Variants in IGFBP7 observed in about 807,000 individuals in gnomAD.
IGFBP7 encodes insulin like growth factor binding protein 7, also known as insulin-like growth factor-binding protein 7.
In IGFBP7, 31 loss-of-function variants were observed where a neutral mutation model predicts 29.4. That is an observed-to-expected ratio of 1.05 (90% CI 0.79 to 1.42). The LOEUF (loss-of-function observed/expected upper bound fraction) is 1.42, where lower values mean the gene tolerates loss of function less well. Ranked by LOEUF, IGFBP7 falls within the 40% of genes most tolerant of loss-of-function variation. IGFBP7 has a pLI of 0.00. For missense variants in IGFBP7, 393 were observed against 395.5 expected, an observed-to-expected ratio of 0.99 and a Z score of 0.05; for synonymous variants, 172 against 174.9, an observed-to-expected ratio of 0.98 and a Z score of 0.13.
chr4:57,059,922 T>G (rs1724760840), intron 1 of IGFBP7, among the ~76,000 whole-genome samples: 1 of 152,228 alleles, frequency 6.6e-6, no homozygotes, highest in Admixed American at 6.5e-5. Context: ...GAGAAAGGAC[T>G]ACAATAATAA....
chr4:57,107,878 G>A (rs548171248), intron 1 of IGFBP7, among the ~76,000 whole-genome samples: 1 of 152,322 alleles, frequency 6.6e-6, no homozygotes, highest in East Asian at 1.9e-4. Context: ...CTGTGTGAGT[G>A]TTTGGTGATG....
chr4:57,030,858 C>T lies in IGFBP7; in HGVS notation c.*459G>A. 8.5e-7 allele frequency: 1 copy of T among 1,180,854 alleles called. No homozygotes were observed. Among genetic ancestry groups the T allele is most frequent in the Non-Finnish European group, 1.3e-6 (1 of 785,162 alleles). The allele number at this position is 1,180,854 out of a possible 1,614,324, so 73.1% of individuals were successfully genotyped here. On this transcript the variant is annotated 3_prime_UTR_variant, in exon 5 of 5. Transcript: ENST00000295666. Reference sequence around the variant, plus strand: ...CTGGGGTAGAGAAGTGGGGTCACTTCAATACAATTCTGCTAATTACCATTT... The same window carrying T: ...CTGGGGTAGAGAAGTGGGGTCACTTTAATACAATTCTGCTAATTACCATTT...
chr4:57,073,478 C>T (rs1234303684), intron 1 of IGFBP7, among the ~76,000 whole-genome samples: 1 of 151,806 alleles, frequency 6.6e-6, no homozygotes, highest in African/African-American at 2.4e-5. Flanking sequence ...GCCTGTAGTT[C>T]CAGCTACTCA....
At chr4:57,031,454 G>T (rs762232082) in intron 4 of IGFBP7, 118 bp from the exon 5 acceptor site, 1 of 736,880 alleles carries the variant, frequency 1.4e-6, no homozygotes, top group Non-Finnish European at 2.4e-6. Flanking sequence ...TGGGGATAAA[G>T]GATATATGAG....
chr4:57,073,073 G>A (rs1725097563), intron 1 of IGFBP7: 6 of 1,530,714 alleles, frequency 3.9e-6, no homozygotes, highest in Non-Finnish European at 5.4e-6. Context: ...ACCCCCCACA[G>A]CTTTTAAGAA....
intron 1 of IGFBP7, among the ~76,000 whole-genome samples, chr4:57,073,431 T>TA (rs1450205821): frequency 6.6e-6 from 1 of 151,520 alleles, no homozygotes; most frequent in Non-Finnish European, 1.5e-5. Context: ...CCTGTCTCCA[T>TA]AAAAAATGTA....
At chr4:57,040,553 A>G (rs1318420152) in intron 2 of IGFBP7, among the ~76,000 whole-genome samples, 1 of 152,202 alleles carries the variant, frequency 6.6e-6, no homozygotes. Context: ...CACACACCAC[A>G]GGTGCACACA....
In IGFBP7 at chr4:57,052,898, A is replaced by G. The variant is rs143803940; in HGVS notation, c.476-11965T>C. Among the ~76,000 whole-genome samples the G allele has an allele frequency of 2.8e-3, 423 of 152,310 alleles. 3 individuals are homozygous for G. Among genetic ancestry groups the G allele is most frequent in the African/African-American group, 9.9e-3 (412 of 41,568 alleles). The stretch of plus-strand genomic sequence containing the variant: ...CACTACGATGACTGTCAATCTTGTG[A>G]TATCTCACAATTATCACTGTAATTT... On this transcript the variant is annotated intron_variant, in intron 1 of 4. Coordinates refer to ENST00000295666, the MANE Select transcript of IGFBP7 (RefSeq NM_001553.3).
intron 1 of IGFBP7, among the ~76,000 whole-genome samples, chr4:57,104,356 C>T (rs1308062158): frequency 2.0e-5 from 3 of 152,148 alleles, no homozygotes; most frequent in Non-Finnish European, 4.4e-5. Flanking sequence ...GGCTTTTCCT[C>T]CACAAACCTG....
At chr4:57,063,278 C>A (rs555149348) in intron 1 of IGFBP7, among the ~76,000 whole-genome samples, 1 of 152,316 alleles carries the variant, frequency 6.6e-6, no homozygotes, top group Admixed American at 6.5e-5. Context: ...AGAATGTGGG[C>A]CTGGTTCTTA....
intron 1 of IGFBP7, among the ~76,000 whole-genome samples, chr4:57,080,172 A>G (rs1725331040): frequency 6.6e-6 from 1 of 152,234 alleles, no homozygotes; most frequent in African/African-American, 2.4e-5. Flanking sequence ...ACAAGAATGA[A>G]TGAACCAATG....
At chr4:57,090,682 C>A (rs761827495) in intron 1 of IGFBP7, among the ~76,000 whole-genome samples, 10 of 151,946 alleles carry the variant, frequency 6.6e-5, no homozygotes, top group Non-Finnish European at 1.5e-4. Context: ...ACTAAAAATA[C>A]CCATACACAC....
Position 57,072,786 on chromosome 4 carries a change from C to A in IGFBP7, c.476-31853G>T, listed in dbSNP as rs926993818. ...GGCAACCTTTTCAAATGGGTGGGGA[C>A]CATCCATTGAGCAGCTGGCACAGCA... is the stretch of plus-strand genomic sequence containing the variant. On this transcript the variant is annotated intron_variant, in intron 1 of 4. Coordinates refer to ENST00000295666, the MANE Select transcript of IGFBP7 (RefSeq NM_001553.3). The A allele has an allele frequency of 1.4e-4, 75 of 539,774 alleles. No individual in the cohort carries two copies. The Admixed American group carries it at 1.5e-3, about 11-fold the overall frequency. The allele number at this position is 539,774 out of a possible 1,614,324, so 33.4% of individuals were successfully genotyped here. A position where few individuals can be genotyped will look rare whatever the true frequency, so the allele number is the denominator to read the frequency against.
intron 1 of IGFBP7, 115 bp from the exon 2 acceptor site, chr4:57,041,048 C>G (rs1724215621): frequency 1.4e-6 from 1 of 732,736 alleles, no homozygotes; most frequent in Middle Eastern, 2.4e-4. Flanking sequence ...GATGGATTAT[C>G]TGAAGCAAAT....
At chr4:57,088,896 G>A (rs888959114) in intron 1 of IGFBP7, among the ~76,000 whole-genome samples, 2 of 152,006 alleles carry the variant, frequency 1.3e-5, no homozygotes, top group African/African-American at 4.8e-5. Flanking sequence ...GCTGGGTGTG[G>A]TGTTGGGCAC....
chr4:57,042,665 G>GA (rs536015176), intron 1 of IGFBP7, among the ~76,000 whole-genome samples: 118 of 152,092 alleles, frequency 7.8e-4, no homozygotes, highest in African/African-American at 2.7e-3. Context: ...TCAAATGGTT[G>GA]AAAAAAAATT....
chr4:57,063,889 T>A (rs1488965044), intron 1 of IGFBP7, among the ~76,000 whole-genome samples: 1 of 152,232 alleles, frequency 6.6e-6, no homozygotes, highest in Non-Finnish European at 1.5e-5. Context: ...AGTAGCAATT[T>A]CATTTAAAAA....
intron 1 of IGFBP7, among the ~76,000 whole-genome samples, chr4:57,097,198 A>G (rs934612188): frequency 6.6e-6 from 1 of 152,222 alleles, no homozygotes; most frequent in Non-Finnish European, 1.5e-5. Flanking sequence ...AAATGATTCT[A>G]TATCTAAAAG....
intron 1 of IGFBP7, among the ~76,000 whole-genome samples, chr4:57,056,999 A>G (rs1209987568): frequency 6.6e-6 from 1 of 152,008 alleles, no homozygotes; most frequent in African/African-American, 2.4e-5. Context: ...CATGATTTCT[A>G]TAGTAGATTT....
Sources: allele counts gnomAD v4.1 joint callset (sites outside exome capture counted in the v4.1 genomes callset), GRCh38; gene constraint gnomAD v4.1.1; transcripts MANE v1.5; gene names NCBI Gene and HGNC (gene_info 2026-07-23, HGNC 2026-07-21).